Variants in DNAH7 observed in about 807,000 individuals in gnomAD.
DNAH7 encodes the protein axonemal beta dynein heavy chain 7.
A neutral mutation model predicts 444.6 loss-of-function variants in DNAH7; 397 were observed. The observed-to-expected ratio is 0.89, with a 90% CI of 0.82 to 0.97. DNAH7 has a LOEUF of 0.97. Among genes scored for constraint, DNAH7 ranks in the 50% least tolerant of loss-of-function variants. The pLI is 0.00. For synonymous variants in DNAH7, 1,636 were observed against 1,624.4 expected (o/e 1.01, Z -0.17); for missense variants, 4,902 against 4,800.8 (o/e 1.02, Z -0.62).
chr2:195,794,304 A>G, intron 57 of DNAH7, 34 bp downstream of exon 57: 2 of 1,609,310 alleles, frequency 1.2e-6, no homozygotes, highest in Non-Finnish European at 1.7e-6. Flanking sequence ...AGTGCTTTAC[A>G]GGGCCGAGGT....
chr2:196,058,065 GT>G lies in DNAH7; in HGVS notation c.66del (p.Gln23SerfsTer7). On this transcript the variant is annotated frameshift_variant, in exon 2 of 65. Coordinates refer to ENST00000312428, the MANE Select transcript of DNAH7 (RefSeq NM_018897.3). LOFTEE classifies it high-confidence loss of function. ...EKSKKPVRFL[P>X]QLSMEKLASK... The stretch of plus-strand genomic sequence containing the variant: ...TATTGGTAAATTACCATAGACAGCT[GT>G]GGTAGAAATCTTACTGGTTTCTTGG... 6.4e-7 allele frequency: 1 copy of G among 1,570,454 alleles called. No individual in the cohort carries two copies. Among genetic ancestry groups the G allele is most frequent in the Non-Finnish European group, 8.6e-7 (1 of 1,156,954 alleles).
chr2:195,775,361 G>GA (rs1463558599), intron 60 of DNAH7, among the ~76,000 whole-genome samples: 4 of 152,150 alleles, frequency 2.6e-5, no homozygotes, highest in East Asian at 3.9e-4. Flanking sequence ...ATATAAATCT[G>GA]AAAAAATATG....
At chr2:195,926,828 T>C (rs1574791900) in intron 21 of DNAH7, among the ~76,000 whole-genome samples, 1 of 152,178 alleles carries the variant, frequency 6.6e-6, no homozygotes, top group Admixed American at 6.6e-5. Flanking sequence ...GTATCAAATA[T>C]TCATTTGAAT....
chr2:195,868,088 TC>T (rs1700459107), intron 40 of DNAH7, among the ~76,000 whole-genome samples: 2 of 143,348 alleles, frequency 1.4e-5, no homozygotes, highest in African/African-American at 5.2e-5. Flanking sequence ...CTATTATTCA[TC>T]TTTTTTTTTT....
In DNAH7 at chr2:195,778,625, AAAAAAAAT is replaced by A. The variant is rs1399760614; in HGVS notation, c.10879-648_10879-641del. On this transcript the variant is annotated intron_variant, in intron 58 of 64. Transcript: ENST00000312428. ...CAGAGCAAGACCCTGTCTGAAAAAA[AAAAAAAAT>A]AAATAAATAAATATATATATATATA... Among the ~76,000 whole-genome samples the A allele has an allele frequency of 4.2e-5, 2 of 47,596 alleles. 1 individual carries two copies. The highest frequency in any genetic ancestry group is 7.4e-5 in the Non-Finnish European group (2 of 27,172). The allele number at this position is 47,596 out of a possible 152,430, so 31.2% of individuals were successfully genotyped here.
chr2:195,779,086 G>A (rs558460068), intron 58 of DNAH7, among the ~76,000 whole-genome samples: 3 of 152,026 alleles, frequency 2.0e-5, no homozygotes, highest in African/African-American at 7.2e-5. Flanking sequence ...CTCATGATCC[G>A]CCTGCCTTGG....
chr2:195,817,166 T>A (rs2124890836), intron 50 of DNAH7, among the ~76,000 whole-genome samples: 1 of 152,322 alleles, frequency 6.6e-6, no homozygotes, highest in East Asian at 1.9e-4. Flanking sequence ...CCAGTTCCCT[T>A]TTTAATGATC....
chr2:196,000,139 G>C (rs1406329567), intron 12 of DNAH7, among the ~76,000 whole-genome samples: 1 of 152,160 alleles, frequency 6.6e-6, no homozygotes, highest in Non-Finnish European at 1.5e-5. Flanking sequence ...ATATGTATAA[G>C]TTATTTTAAA....
At chr2:195,959,023 T>C (rs1336389220) in intron 18 of DNAH7, among the ~76,000 whole-genome samples, 5 of 152,182 alleles carry the variant, frequency 3.3e-5, no homozygotes, top group African/African-American at 1.2e-4. Context: ...ATCGTGCCAC[T>C]GCACTCCAGC....
intron 11 of DNAH7, 68 bp from the exon 12 acceptor site, chr2:196,000,951 G>C: frequency 7.9e-7 from 1 of 1,272,258 alleles, no homozygotes; most frequent in Non-Finnish European, 1.0e-6. Flanking sequence ...TAGTACACCA[G>C]TCCCAATTAG....
Position 195,988,211 on chromosome 2 carries a change from T to C in DNAH7, c.1372A>G (p.Thr458Ala), listed in dbSNP as rs200413215. Residue 458 changes from threonine (T) to alanine (A), a missense_variant, in exon 13 of 65, where the codon ACA (threonine) becomes GCA (alanine). Physicochemically the swap from Thr to Ala is moderately conservative, Grantham distance 58. Coordinates refer to ENST00000312428, the MANE Select transcript of DNAH7 (RefSeq NM_018897.3). Reference sequence around the variant, plus strand: ...TTCAGAATTATGGGCTTCAAGGTTGTTGGTTTAGACTTACTTTCCTAAACA... The same window carrying C: ...TTCAGAATTATGGGCTTCAAGGTTGCTGGTTTAGACTTACTTTCCTAAACA... The part of the protein sequence containing the change: ...YSKWESKSKP[T>A]TLKPIILNEI... The C allele has an allele frequency of 2.5e-4, 408 of 1,607,262 alleles. 3 individuals carry two copies. In the African/African-American group the frequency reaches 4.8e-3, roughly 19 times the overall value.
intron 60 of DNAH7, among the ~76,000 whole-genome samples, 199 bp from the exon 61 acceptor site, chr2:195,772,089 G>A (rs1306752227): frequency 6.6e-6 from 1 of 152,312 alleles, no homozygotes; most frequent in East Asian, 1.9e-4. Context: ...TTGTTAGAGA[G>A]GAGGAATAAG....
At chr2:195,924,832 C>A (rs747802310) in intron 22 of DNAH7, among the ~76,000 whole-genome samples, 2 of 152,110 alleles carry the variant, frequency 1.3e-5, no homozygotes, top group Non-Finnish European at 2.9e-5. Flanking sequence ...CTTCTCTTTT[C>A]TGGCAGGTAA....
chr2:195,862,921 A>G (rs1700107592), intron 41 of DNAH7, among the ~76,000 whole-genome samples: 1 of 152,162 alleles, frequency 6.6e-6, no homozygotes, highest in Non-Finnish European at 1.5e-5. Flanking sequence ...CTGTAATCCC[A>G]GCTACTTGGG....
chr2:196,043,479 A>G (rs756350803), intron 5 of DNAH7, among the ~76,000 whole-genome samples: 2 of 152,216 alleles, frequency 1.3e-5, no homozygotes, highest in Non-Finnish European at 2.9e-5. Flanking sequence ...ATTACATCAG[A>G]AAAACTTCTG....
At chr2:195,931,817 T>C (rs1310325572) in intron 21 of DNAH7, among the ~76,000 whole-genome samples, 1 of 152,228 alleles carries the variant, frequency 6.6e-6, no homozygotes, top group Non-Finnish European at 1.5e-5. Flanking sequence ...GCTGTTTTGG[T>C]TACTGTAGCC....
At chr2:195,989,474 C>T (rs1410765262) in intron 12 of DNAH7, among the ~76,000 whole-genome samples, 1 of 152,118 alleles carries the variant, frequency 6.6e-6, no homozygotes. Context: ...TGTTGGCCAT[C>T]TATTTGTATA....
intron 61 of DNAH7, among the ~76,000 whole-genome samples, chr2:195,763,252 ATGTT>A: frequency 6.6e-6 from 1 of 152,278 alleles, no homozygotes; most frequent in Non-Finnish European, 1.5e-5. Context: ...TTTCTAAACT[ATGTT>A]TGTAGTTTAA....
intron 12 of DNAH7, chr2:195,994,468 A>G (rs1693560999): frequency 1.9e-6 from 1 of 526,376 alleles, no homozygotes; most frequent in Admixed American, 2.4e-5. Context: ...TTTGCCATAG[A>G]AATTGACCAA....
Sources: allele counts gnomAD v4.1 joint callset (sites outside exome capture counted in the v4.1 genomes callset), GRCh38; gene constraint gnomAD v4.1.1; transcripts MANE v1.5; gene names NCBI Gene and HGNC (gene_info 2026-07-23, HGNC 2026-07-21).